The following TFB2M variants were observed in gnomAD, a reference collection of about 807,000 sequenced individuals.
The protein encoded by TFB2M is dimethyladenosine transferase 2, mitochondrial.
In TFB2M, 44 loss-of-function variants were observed where a neutral mutation model predicts 41.3. The ratio of observed to expected loss-of-function variants is 1.07; its 90% CI spans 0.84 to 1.37. The LOEUF is 1.37. TFB2M is among the 40% of genes most tolerant of loss of function. The pLI is 0.00. For missense variants in TFB2M, 496 were observed against 490.2 expected (o/e 1.01, Z -0.11); for synonymous variants, 188 against 176.8 (o/e 1.06, Z -0.50).
At chr1:246,548,304 TAAG>T (rs914247913) in intron 6 of TFB2M, among the ~76,000 whole-genome samples, 18 of 152,206 alleles carry the variant, frequency 1.2e-4, no homozygotes, top group Admixed American at 3.9e-4. Flanking sequence ...TCAAAAGATA[TAAG>T]AAGAGAACTC....
intron 6 of TFB2M, among the ~76,000 whole-genome samples, chr1:246,546,356 G>A (rs1038241746): frequency 3.3e-5 from 5 of 151,686 alleles, no homozygotes; most frequent in Non-Finnish European, 1.5e-5. Context: ...GCTCACGCCT[G>A]TAATCCCAGC....
chr1:246,544,514 T>C lies in TFB2M; in HGVS notation c.1019+7A>G, dbSNP rs3124119. On this transcript the variant is annotated splice_region_variant and intron_variant, in intron 7 of 7. Coordinates refer to ENST00000366514, the MANE Select transcript of TFB2M (RefSeq NM_022366.3). ...ACTTTATACTTGCTTTTATTCTTTT[T>C]ACTCACCGTAAGTGGTCTATTACAG... 384,446 of 1,576,340 alleles carry C rather than the reference T, an allele frequency of 0.24. 50,579 individuals carry two copies. Among genetic ancestry groups the C allele is most frequent in the Middle Eastern group, 0.31 (1,725 of 5,584 alleles).
chr1:246,562,384 T>G (rs1213512265), intron 2 of TFB2M, among the ~76,000 whole-genome samples: 5 of 152,242 alleles, frequency 3.3e-5, no homozygotes, highest in Admixed American at 2.6e-4. Flanking sequence ...GCACAATCAC[T>G]GAAAAATCTA....
At chr1:246,548,258 T>C (rs765483068) in intron 6 of TFB2M, among the ~76,000 whole-genome samples, 15 of 152,316 alleles carry the variant, frequency 9.8e-5, no homozygotes, top group Middle Eastern at 3.4e-3. Flanking sequence ...AATATTAAAA[T>C]GATTTTATTT....
chr1:246,561,657 T>C (rs1376033320), intron 2 of TFB2M, among the ~76,000 whole-genome samples: 1 of 152,042 alleles, frequency 6.6e-6, no homozygotes, highest in Non-Finnish European at 1.5e-5. Flanking sequence ...TTAGTAGAGA[T>C]GGGGTTTCAC....
At position 246,544,578 on chromosome 1, in the gene TFB2M, A is replaced by G; in HGVS notation, c.962T>C (p.Phe321Ser). ...CCCAAAACAGTGCTTTAACAAGTGA[A>G]AAAATATATTATAGTTCATAGGTGT... ...NLTPMNYNIF[F>S]HLLKHCFGRR... Residue 321 changes from phenylalanine to serine, a missense_variant, in exon 7 of 8, where the codon TTT (phenylalanine) becomes TCT (serine). Coordinates refer to ENST00000366514, the MANE Select transcript of TFB2M (RefSeq NM_022366.3). 6.2e-7 allele frequency: 1 copy of G among 1,611,166 alleles called. No homozygotes were observed. The highest frequency in any genetic ancestry group is 8.5e-7 in the Non-Finnish European group (1 of 1,179,350).
At chr1:246,543,680 C>G (rs1658919800) in intron 7 of TFB2M, among the ~76,000 whole-genome samples, 2 of 152,138 alleles carry the variant, frequency 1.3e-5, no homozygotes, top group African/African-American at 4.8e-5. Flanking sequence ...ATGCCTGTAA[C>G]CCCAGCACTT....
In TFB2M at chr1:246,540,938, C is replaced by G. The variant is rs1658835363; in HGVS notation, c.*93G>C. The G allele has an allele frequency of 7.9e-7, 1 of 1,273,878 alleles. No individual in the cohort carries two copies. The highest frequency in any genetic ancestry group is 1.1e-6 in the Non-Finnish European group (1 of 917,504). 78.9% of individuals were successfully genotyped at this position (1,273,878 alleles called of 1,614,324 possible). A position where few individuals can be genotyped will look rare whatever the true frequency, so the allele number is the denominator to read the frequency against. On this transcript the variant is annotated 3_prime_UTR_variant, in exon 8 of 8. Coordinates refer to ENST00000366514, the MANE Select transcript of TFB2M (RefSeq NM_022366.3). ...GCTTGTGCAAGACAAGAACAGTTAC[C>G]TTCTGCTGAAAGGATGTGAGTTTTC...
intron 2 of TFB2M, among the ~76,000 whole-genome samples, chr1:246,561,411 C>A (rs1186105653): frequency 6.6e-6 from 1 of 152,068 alleles, no homozygotes; most frequent in East Asian, 1.9e-4. Flanking sequence ...ATTCTCTAGT[C>A]CCTAACCTTC....
At chr1:246,546,986 T>TCACACACACACACACAC (rs1558509718) in intron 6 of TFB2M, among the ~76,000 whole-genome samples, 1 of 83,818 alleles carries the variant, frequency 1.2e-5, no homozygotes, top group African/African-American at 3.8e-5. Flanking sequence ...CACACACATT[T>TCACACACACACACACAC]TTTTTTTTTT....
At chr1:246,565,697 C>G in intron 1 of TFB2M, 129 bp downstream of exon 1, 1 of 1,043,684 alleles carries the variant, frequency 9.6e-7, no homozygotes, top group East Asian at 2.6e-5. Flanking sequence ...GGCAACACAG[C>G]GAGACTCCGT....
intron 2 of TFB2M, among the ~76,000 whole-genome samples, chr1:246,558,157 CTTTTT>C (rs11438177): frequency 4.3e-5 from 6 of 141,010 alleles, no homozygotes; most frequent in African/African-American, 1.3e-4. Context: ...TATCTGTTTA[CTTTTT>C]TTTTTTTTTT....
At chr1:246,541,323 T>A in intron 7 of TFB2M, 121 bp from the exon 8 acceptor site, 1 of 895,856 alleles carries the variant, frequency 1.1e-6, no homozygotes, top group Non-Finnish European at 1.7e-6. Context: ...CAGAGTGCTA[T>A]AATGGACACG....
chr1:246,551,329 T>A (rs80342781), intron 4 of TFB2M, 27 bp from the exon 5 acceptor site: 680,297 of 1,483,628 alleles, frequency 0.46, 157,382 homozygotes, highest in Non-Finnish European at 0.47. Flanking sequence ...AAAAATTACA[T>A]GTTATACACA....
In TFB2M at chr1:246,540,758, G is replaced by GTTT. The variant is rs1658831657; in HGVS notation, c.*272_*273insAAA. The GTTT allele has an allele frequency of 3.0e-6, 1 of 336,282 alleles. No individual in the cohort carries two copies. Among genetic ancestry groups the GTTT allele is most frequent in the Non-Finnish European group, 5.4e-6 (1 of 184,090 alleles). The allele number at this position is 336,282 out of a possible 1,614,324, so 20.8% of individuals were successfully genotyped here. On this transcript the variant is annotated 3_prime_UTR_variant, in exon 8 of 8. Transcript: ENST00000366514. Reference sequence around the variant, plus strand: ...TGCAAAAATCAGCAACAGTACAAGTGAAATATTTAAATAGGAATCTGAAAC... The same window carrying GTTT: ...TGCAAAAATCAGCAACAGTACAAGTGTTTAAATATTTAAATAGGAATCTGAAAC...
chr1:246,549,728 T>C lies in TFB2M; in HGVS notation c.796-1121A>G, dbSNP rs1040076285. On this transcript the variant is annotated intron_variant, in intron 5 of 7. Transcript: ENST00000366514. The stretch of plus-strand genomic sequence containing the variant: ...ACTAAACAATATTGAACACAAGGTC[T>C]GAAAGGCTACTGTCAAGTAACAATT... Among the ~76,000 whole-genome samples the C allele has an allele frequency of 2.6e-5, 4 of 152,210 alleles. No individual in the cohort carries two copies. In the South Asian group the frequency reaches 8.3e-4, roughly 31 times the overall value.
chr1:246,544,487 C>T (rs1658944410), intron 7 of TFB2M, 34 bp downstream of exon 7: 3 of 1,547,738 alleles, frequency 1.9e-6, no homozygotes, highest in Non-Finnish European at 2.6e-6. Flanking sequence ...TGCATCGTTG[C>T]TACTTTATAC....
Position 246,551,132 on chromosome 1 carries a change from G to A in TFB2M, c.795+81C>T, listed in dbSNP as rs145625099. 5.0e-5 allele frequency: 51 copies of A among 1,029,456 alleles called. No homozygotes were observed. In the African/African-American group the frequency reaches 7.9e-4, roughly 16 times the overall value. The allele number at this position is 1,029,456 out of a possible 1,614,324, so 63.8% of individuals were successfully genotyped here. ...CAAGGCTGCAGCAAGCTATGATTGT[G>A]CCACTGCACTCCAGCCTGGGCAACA... On this transcript the variant is annotated intron_variant, in intron 5 of 7. Coordinates refer to ENST00000366514, the MANE Select transcript of TFB2M (RefSeq NM_022366.3).
intron 5 of TFB2M, among the ~76,000 whole-genome samples, chr1:246,550,676 G>A (rs1487334929): frequency 6.6e-6 from 1 of 152,204 alleles, no homozygotes; most frequent in East Asian, 1.9e-4. Flanking sequence ...CTGAGGTCAG[G>A]AGCTCAAGGC....
Sources: gnomAD v4.1 joint callset for allele counts (sites outside exome capture counted in the v4.1 genomes callset) on GRCh38, gnomAD v4.1.1 for gene constraint, MANE v1.5 for transcripts, NCBI Gene and HGNC (gene_info 2026-07-23, HGNC 2026-07-21) for gene names.